The following DYM variants were observed in gnomAD, a reference collection of about 807,000 sequenced individuals.
DYM encodes dymeclin, also known as dyggve-Melchior-Clausen syndrome protein.
In DYM, 78 loss-of-function variants were observed where a neutral mutation model predicts 93.1. The ratio of observed to expected loss-of-function variants is 0.84; its 90% CI spans 0.70 to 1.01. The LOEUF (loss-of-function observed/expected upper bound fraction) is 1.01. Ranked by LOEUF, DYM falls within the 50% of genes least tolerant of loss-of-function variation. The pLI is 0.00. For missense variants in DYM, 789 were observed against 845.0 expected, an observed-to-expected ratio of 0.93 and a Z score of 0.82; for synonymous variants, 321 against 319.7, an observed-to-expected ratio of 1.00 and a Z score of -0.04.
At chr18:49,166,791 C>G (rs900967078) in intron 14 of DYM, among the ~76,000 whole-genome samples, 1 of 151,916 alleles carries the variant, frequency 6.6e-6, no homozygotes, top group Non-Finnish European at 1.5e-5. Context: ...TGTGGCAAGA[C>G]TCAAAAACAT....
intron 1 of DYM, chr18:49,431,740 C>T (rs78292281): frequency 0.091 from 13,868 of 152,218 alleles, 851 homozygotes; most frequent in East Asian, 0.31. Context: ...TGTCCCTTCT[C>T]ATTCCACAAA....
intron 2 of DYM, among the ~76,000 whole-genome samples, chr18:49,418,677 A>G (rs2148305272): frequency 6.6e-6 from 1 of 152,344 alleles, no homozygotes; most frequent in Admixed American, 6.5e-5. Context: ...GAATTCCAAG[A>G]GTGAACAATC....
intron 11 of DYM, among the ~76,000 whole-genome samples, chr18:49,259,111 A>G (rs76715173): frequency 0.077 from 11,644 of 152,118 alleles, 727 homozygotes; most frequent in East Asian, 0.31. Flanking sequence ...TTCTCTACCT[A>G]TGCATGAAAA....
rs531093491 is a variant in DYM, at chr18:49,072,272, T to C, written c.2025+25130A>G. 3.9e-5 allele frequency among the ~76,000 whole-genome samples: 6 copies of C among 152,356 alleles called. No individual in the cohort carries two copies. The South Asian group carries it at 8.3e-4, about 21-fold the overall frequency. ...TGATCTCTGGTCTAAGTTACAAAGCTATGCTGCCAATAAGGTGATTCGTGT... is the reference window on the plus strand; with the variant it reads ...TGATCTCTGGTCTAAGTTACAAAGCCATGCTGCCAATAAGGTGATTCGTGT... On this transcript the variant is annotated intron_variant, in intron 17 of 17. Coordinates refer to ENST00000675505, the MANE Select transcript of DYM (RefSeq NM_001353214.3).
At chr18:49,348,686 A>T (rs1015030335) in intron 6 of DYM, among the ~76,000 whole-genome samples, 11 of 152,088 alleles carry the variant, frequency 7.2e-5, no homozygotes, top group African/African-American at 2.7e-4. Flanking sequence ...AGGCGAGTGG[A>T]TTACCTGAGG....
intron 17 of DYM, among the ~76,000 whole-genome samples, chr18:49,054,850 G>A (rs971258879): frequency 5.9e-5 from 9 of 152,174 alleles, no homozygotes; most frequent in Admixed American, 3.3e-4. Flanking sequence ...AAGTAAGGGC[G>A]AAAAGACTCT....
chr18:49,247,421 T>C (rs1049872674), intron 13 of DYM, among the ~76,000 whole-genome samples: 1 of 152,222 alleles, frequency 6.6e-6, no homozygotes, highest in Non-Finnish European at 1.5e-5. Flanking sequence ...GTAAACTTGT[T>C]AGCTTGAAAG....
At chr18:49,316,217 G>T (rs1271907201) in intron 8 of DYM, among the ~76,000 whole-genome samples, 1 of 152,150 alleles carries the variant, frequency 6.6e-6, no homozygotes, top group Non-Finnish European at 1.5e-5. Context: ...GGGAGGCGGA[G>T]GTTGCAGTGA....
chr18:49,050,238 C>T (rs1304429760), intron 17 of DYM, among the ~76,000 whole-genome samples: 1 of 151,928 alleles, frequency 6.6e-6, no homozygotes, highest in East Asian at 1.9e-4. Context: ...AGGCATGTGC[C>T]ACCATGCCCG....
At chr18:49,089,690 G>A (rs926767767) in intron 17 of DYM, among the ~76,000 whole-genome samples, 2 of 152,208 alleles carry the variant, frequency 1.3e-5, no homozygotes, top group Admixed American at 6.5e-5. Flanking sequence ...TAGAATCTCA[G>A]GTGGGATCCG....
At chr18:49,227,871 A>C (rs962694540) in intron 13 of DYM, among the ~76,000 whole-genome samples, 2 of 151,956 alleles carry the variant, frequency 1.3e-5, no homozygotes, top group African/African-American at 4.8e-5. Context: ...GCTGCTGACT[A>C]TCTGGAGATA....
Position 49,313,241 on chromosome 18 carries a change from G to A in DYM, c.763+18623C>T, listed in dbSNP as rs920152121. On this transcript the variant is annotated intron_variant, in intron 8 of 17. Coordinates refer to ENST00000675505, the MANE Select transcript of DYM (RefSeq NM_001353214.3). ...AGCACTTTGGGAGGCCGAGGCAGGC[G>A]GATCACGAGATCAGGAGTTCAAGAC... Among the ~76,000 whole-genome samples, 5 of 151,820 alleles carry A rather than the reference G, an allele frequency of 3.3e-5. No homozygotes were observed. In the East Asian group the frequency reaches 5.8e-4, roughly 18 times the overall value.
intron 13 of DYM, among the ~76,000 whole-genome samples, chr18:49,220,075 T>C (rs2093283979): frequency 1.3e-5 from 2 of 152,150 alleles, no homozygotes; most frequent in Non-Finnish European, 2.9e-5. Flanking sequence ...ACAAAATCAA[T>C]GTACAAAAAT....
intron 13 of DYM, among the ~76,000 whole-genome samples, chr18:49,216,467 C>G (rs554056503): frequency 1.3e-5 from 2 of 152,290 alleles, no homozygotes; most frequent in South Asian, 4.1e-4. Context: ...GGTCCCTGAC[C>G]CCTGACCCCC....
chr18:49,401,900 CCTGT>C (rs1262829447), intron 2 of DYM, among the ~76,000 whole-genome samples: 1 of 151,912 alleles, frequency 6.6e-6, no homozygotes, highest in Non-Finnish European at 1.5e-5. Flanking sequence ...GTGATGCGCA[CCTGT>C]AATCCCAGCT....
intron 6 of DYM, among the ~76,000 whole-genome samples, chr18:49,349,978 T>A (rs2064965659): frequency 6.6e-6 from 1 of 152,090 alleles, no homozygotes; most frequent in Non-Finnish European, 1.5e-5. Flanking sequence ...AGGATCACAG[T>A]ATGACTTCAA....
intron 16 of DYM, among the ~76,000 whole-genome samples, chr18:49,111,586 G>T (rs868731109): frequency 3.9e-5 from 6 of 152,340 alleles, no homozygotes; most frequent in South Asian, 2.1e-4. Context: ...TGCTGTTGCT[G>T]TGGCTACCTT....
intron 15 of DYM, among the ~76,000 whole-genome samples, chr18:49,162,282 T>C (rs1309294354): frequency 6.6e-6 from 1 of 152,134 alleles, no homozygotes; most frequent in African/African-American, 2.4e-5. Context: ...AGGTAATTTA[T>C]AAAGAAAAAG....
intron 17 of DYM, among the ~76,000 whole-genome samples, chr18:49,046,829 G>A (rs116296519): frequency 1.3e-5 from 2 of 152,164 alleles, no homozygotes; most frequent in Non-Finnish European, 2.9e-5. Flanking sequence ...AGGAGTTCGA[G>A]GCTTCAGTGA....
Sources: gnomAD v4.1 joint callset for allele counts (sites outside exome capture counted in the v4.1 genomes callset) on GRCh38, gnomAD v4.1.1 for gene constraint, MANE v1.5 for transcripts, NCBI Gene and HGNC (gene_info 2026-07-23, HGNC 2026-07-21) for gene names.